Variants in ACACB observed in about 807,000 individuals in gnomAD.
ACACB encodes the protein acetyl-CoA carboxylase 2.
A neutral mutation model predicts 278.8 loss-of-function variants in ACACB; 209 were observed. The ratio of observed to expected loss-of-function variants is 0.75; its 90% confidence interval spans 0.67 to 0.84. The LOEUF (loss-of-function observed/expected upper bound fraction) is 0.84. ACACB is among the 40% of genes least tolerant of loss of function. The pLI is 0.00. For synonymous variants in ACACB, 1,174 were observed against 1,285.6 expected (o/e 0.91, Z 1.86); for missense variants, 2,850 against 3,269.0 (o/e 0.87, Z 3.13).
At position 109,233,785 on chromosome 12, in the gene ACACB, C is replaced by T; in HGVS notation, c.4177C>T (p.Pro1393Ser). Residue 1393 changes from proline (P) to serine (S), a missense_variant, in exon 30 of 53, where the codon CCC becomes TCC. Transcript: ENST00000338432. ...AGTCATCTCTTGCTTCGCCAACGTG[C>T]CCAAAGACACCCCCCTCTTCAGCGA... Reference protein sequence around the residue: ...DEVISCFANVPKDTPLFSEAR... With the variant: ...DEVISCFANVSKDTPLFSEAR... The T allele has an allele frequency of 6.2e-7, 1 of 1,614,208 alleles. No homozygotes were observed. The highest frequency in any genetic ancestry group is 8.5e-7 in the Non-Finnish European group (1 of 1,180,042).
intron 1 of ACACB, among the ~76,000 whole-genome samples, chr12:109,121,754 G>T (rs1186857406): frequency 6.6e-6 from 1 of 152,182 alleles, no homozygotes; most frequent in Non-Finnish European, 1.5e-5. Context: ...CTGGGTGCAG[G>T]CCTCCAGCAA....
chr12:109,138,267 G>A (rs2043017343), intron 1 of ACACB, among the ~76,000 whole-genome samples: 1 of 152,170 alleles, frequency 6.6e-6, no homozygotes, highest in Non-Finnish European at 1.5e-5. Context: ...CAGAGTTAGG[G>A]TGATAGAAAG....
intron 12 of ACACB, among the ~76,000 whole-genome samples, chr12:109,187,480 A>G (rs2044704459): frequency 6.9e-6 from 1 of 144,494 alleles, no homozygotes; most frequent in South Asian, 2.2e-4. Flanking sequence ...TATTTATTTG[A>G]GACAGGTTCT....
chr12:109,144,855 G>A (rs535486366), intron 2 of ACACB, among the ~76,000 whole-genome samples: 5 of 140,422 alleles, frequency 3.6e-5, no homozygotes, highest in East Asian at 2.2e-4. Context: ...TCTGCCTCCC[G>A]GGTTCAAGTG....
chr12:109,218,451 C>T (rs997386201), intron 24 of ACACB, among the ~76,000 whole-genome samples: 4 of 152,074 alleles, frequency 2.6e-5, no homozygotes, highest in Non-Finnish European at 4.4e-5. Flanking sequence ...CTCGAACTCC[C>T]GCGCTCAAGC....
chr12:109,189,642 C>T lies in ACACB; in HGVS notation c.2144+1480C>T, dbSNP rs555052624. Among the ~76,000 whole-genome samples, 6 of 152,286 alleles carry T rather than the reference C, an allele frequency of 3.9e-5. No homozygotes were observed. In the South Asian group the frequency reaches 1.0e-3, roughly 26 times the overall value. The stretch of plus-strand genomic sequence containing the variant: ...AGGAAACTGGGACAAGTCACTCACC[C>T]GTGAGACCAGCGGGTTAACTCTCAT... On this transcript the variant is annotated intron_variant, in intron 13 of 52. Transcript: ENST00000338432.
chr12:109,233,985 T>A lies in ACACB; in HGVS notation c.4287T>A (p.Cys1429Ter). The change falls in exon 31 of 53, where the codon TGT becomes TGA. Residue 1429 changes from cysteine (C) to a stop codon, truncating the protein, a stop_gained. Transcript: ENST00000338432. LOFTEE classifies it high-confidence loss of function. ...ACATTCTGAATGTGTCCATCCAGTG[T>A]GCAGACCACCTGGAGGATGAGGCAC... The part of the protein sequence containing the change: ...PIHILNVSIQ[C>*]ADHLEDEALV... 6.2e-7 allele frequency: 1 copy of A among 1,614,128 alleles called. No individual in the cohort carries two copies. The highest frequency in any genetic ancestry group is 1.1e-5 in the South Asian group (1 of 91,054).
Position 109,242,437 on chromosome 12 carries a change from A to T in ACACB, c.5023A>T (p.Ile1675Phe), listed in dbSNP as rs927523122. Residue 1675 changes from isoleucine to phenylalanine, a missense_variant and splice_region_variant, in exon 37 of 53, where the codon ATC becomes TTC. Physicochemically the swap from Ile to Phe is conservative, Grantham distance 21. Coordinates refer to ENST00000338432, the MANE Select transcript of ACACB (RefSeq NM_001093.4). The stretch of plus-strand genomic sequence containing the variant: ...CTGTTTTCCCTCCTTTCTGGTCCAG[A>T]TCATGTTTCACTCCTTCGGCAACAA... ...KEVTDSRSGNIMFHSFGNKQG... is the reference protein window; with the variant it reads ...KEVTDSRSGNFMFHSFGNKQG... 4 of 1,613,480 alleles carry T rather than the reference A, an allele frequency of 2.5e-6. No individual in the cohort carries two copies. The highest frequency in any genetic ancestry group is 2.5e-6 in the Non-Finnish European group (3 of 1,179,638).
At chr12:109,201,183 C>G (rs1218387902) in intron 18 of ACACB, among the ~76,000 whole-genome samples, 1 of 152,224 alleles carries the variant, frequency 6.6e-6, no homozygotes, top group Non-Finnish European at 1.5e-5. Flanking sequence ...TTTAATAAAA[C>G]AAACTGTTCA....
chr12:109,211,294 C>G (rs1196059854), intron 21 of ACACB, among the ~76,000 whole-genome samples: 1 of 149,830 alleles, frequency 6.7e-6, no homozygotes, highest in Non-Finnish European at 1.5e-5. Flanking sequence ...ACCTATTGTG[C>G]TAAGGGAAAT....
At position 109,118,026 on chromosome 12, in the gene ACACB, A is replaced by G. The variant is rs532474040; in HGVS notation, c.-10+1322A>G. Among the ~76,000 whole-genome samples the G allele has an allele frequency of 7.2e-5, 11 of 152,294 alleles. No individual in the cohort carries two copies. The South Asian group carries it at 2.1e-3, about 29-fold the overall frequency. ...CGGCCTCCCAGAGTGCTGGGATTAC[A>G]GGCATGAGCCACCGCGCCTGGCCAA... On this transcript the variant is annotated intron_variant, in intron 1 of 52. Transcript: ENST00000338432.
chr12:109,217,034 C>T, intron 24 of ACACB, 114 bp downstream of exon 24: 1 of 1,360,486 alleles, frequency 7.4e-7, no homozygotes, highest in Non-Finnish European at 9.9e-7. Context: ...GTAATCCCAT[C>T]ACTTTGGGAG....
intron 13 of ACACB, among the ~76,000 whole-genome samples, chr12:109,189,417 C>T (rs1206006086): frequency 3.3e-5 from 5 of 152,150 alleles, no homozygotes; most frequent in Non-Finnish European, 2.9e-5. Context: ...CAGCCCAGAC[C>T]CCTCCGAGTG....
intron 50 of ACACB, among the ~76,000 whole-genome samples, chr12:109,264,890 G>C (rs1212696723): frequency 6.6e-6 from 1 of 152,278 alleles, no homozygotes. Context: ...TTTTATGGGG[G>C]ACATTTTTTC....
chr12:109,167,621 G>GTA (rs1216217057), intron 3 of ACACB, among the ~76,000 whole-genome samples: 10,787 of 77,218 alleles, frequency 0.14, 917 homozygotes, highest in Middle Eastern at 0.19. Context: ...ATATGTATGT[G>GTA]TATATATATA....
At chr12:109,253,195 C>G in intron 43 of ACACB, 37 bp downstream of exon 43, 2 of 1,507,468 alleles carry the variant, frequency 1.3e-6, no homozygotes, top group Non-Finnish European at 1.8e-6. Flanking sequence ...ACCTGGAAGA[C>G]TCTTATTAAG....
intron 13 of ACACB, 68 bp downstream of exon 13, chr12:109,188,230 CTTCCCTCT>C (rs2044740055): frequency 5.3e-6 from 6 of 1,135,970 alleles, no homozygotes; most frequent in South Asian, 1.7e-5. Flanking sequence ...TCCTTCCTTC[CTTCCCTCT>C]CTCCCTTCTT....
chr12:109,166,961 A>G lies in ACACB; in HGVS notation c.754A>G (p.Thr252Ala). The G allele has an allele frequency of 6.2e-7, 1 of 1,613,876 alleles. No homozygotes were observed. Among genetic ancestry groups the G allele is most frequent in the South Asian group, 1.1e-5 (1 of 91,044 alleles). Residue 252 changes from threonine to alanine, a missense_variant, in exon 3 of 53, where the codon ACA becomes GCA. Coordinates refer to ENST00000338432, the MANE Select transcript of ACACB (RefSeq NM_001093.4). ...FTVASPAEFV[T>A]RFGGDRVIEK... is the part of the protein sequence containing the mutation. ...CGTGGCTTCTCCCGCTGAGTTTGTC[A>G]CACGCTTTGGGGGGGATCGGGTCAT...
chr12:109,140,335 C>T (rs866836554), intron 2 of ACACB, among the ~76,000 whole-genome samples: 48 of 100,314 alleles, frequency 4.8e-4, no homozygotes, highest in South Asian at 7.0e-4. Flanking sequence ...TCCTTCCTTC[C>T]TTCCTTCCTT....
Sources: allele counts gnomAD v4.1 joint callset (sites outside exome capture counted in the v4.1 genomes callset), GRCh38; gene constraint gnomAD v4.1.1; transcripts MANE v1.5; gene names NCBI Gene and HGNC (gene_info 2026-07-23, HGNC 2026-07-21).